TESC: variants seen among roughly 807,000 people sequenced by gnomAD.
TESC encodes tescalcin, also known as calcineurin B homologous protein 3.
Under a neutral mutation model 31.0 loss-of-function variants are expected in TESC, and 19 were observed. The ratio of observed to expected loss-of-function variants is 0.61; its 90% CI spans 0.43 to 0.90. TESC has a LOEUF of 0.90. Among genes scored for constraint, TESC ranks in the 40% least tolerant of loss-of-function variants. TESC has a pLI of 0.00. For synonymous variants in TESC, 109 were observed against 114.8 expected (o/e 0.95, Z 0.32); for missense variants, 248 against 303.8 (o/e 0.82, Z 1.36).
intron 3 of TESC, among the ~76,000 whole-genome samples, chr12:117,054,285 C>T (rs58547422): frequency 0.085 from 12,943 of 152,032 alleles, 1,215 homozygotes; most frequent in African/African-American, 0.23. Flanking sequence ...ACAGCACCCT[C>T]TGCAAAGTGC....
intron 6 of TESC, among the ~76,000 whole-genome samples, chr12:117,043,462 T>G (rs1954514196): frequency 1.3e-5 from 2 of 151,660 alleles, no homozygotes; most frequent in Admixed American, 1.3e-4. Flanking sequence ...TTCATTTGTT[T>G]TGTTTTGTTT....
rs201228990 is a variant in TESC at position 117,055,912 on chromosome 12, CTTTTTTTTT to C, written c.209+885_209+893del. ...TAAATGCTTTCTAGTTTTCCTTTTC[CTTTTTTTTT>C]TTTTTTTTTTCTTCTGAGATGGAGT... On this transcript the variant is annotated intron_variant, in intron 3 of 7. Transcript: ENST00000335209. Among the ~76,000 whole-genome samples the C allele has an allele frequency of 9.8e-4, 137 of 139,934 alleles. 3 individuals are homozygous for C. In the East Asian group the frequency reaches 0.025, roughly 25 times the overall value. The allele number at this position is 139,934 out of a possible 152,430, so 91.8% of individuals were successfully genotyped here.
At chr12:117,087,380 C>G (rs564532069) in intron 1 of TESC, among the ~76,000 whole-genome samples, 1 of 152,308 alleles carries the variant, frequency 6.6e-6, no homozygotes, top group Non-Finnish European at 1.5e-5. Context: ...CTGGTAAGAG[C>G]TGCCACAGGC....
At chr12:117,095,150 C>T (rs1310636846) in intron 1 of TESC, among the ~76,000 whole-genome samples, 2 of 152,042 alleles carry the variant, frequency 1.3e-5, no homozygotes, top group African/African-American at 2.4e-5. Context: ...TCTCAGCTCA[C>T]CGCAACCTCC....
At chr12:117,076,986 G>A (rs1304984861) in intron 1 of TESC, among the ~76,000 whole-genome samples, 2 of 152,152 alleles carry the variant, frequency 1.3e-5, no homozygotes, top group Admixed American at 1.3e-4. Context: ...GGACTGCGGA[G>A]CTGTGACCTC....
rs11068318 is a variant in TESC, at chr12:117,075,875, G to A, written c.59-535C>T. On this transcript the variant is annotated intron_variant, in intron 1 of 7. Coordinates refer to ENST00000335209, the MANE Select transcript of TESC (RefSeq NM_017899.4). ...TATATATATATATATATATATGTGT[G>A]TATATATATATATATATATATATAT... 5.6e-3 allele frequency among the ~76,000 whole-genome samples: 349 copies of A among 62,348 alleles called. 2 individuals are homozygous for A. The highest frequency in any genetic ancestry group is 0.011 in the Middle Eastern group (1 of 90). The allele number at this position is 62,348 out of a possible 152,430, so 40.9% of individuals were successfully genotyped here.
intron 5 of TESC, 51 bp from the exon 6 acceptor site, chr12:117,046,717 G>GT (rs1954568735): frequency 2.6e-6 from 4 of 1,552,736 alleles, no homozygotes; most frequent in Non-Finnish European, 3.5e-6. Context: ...CATCAGGGTC[G>GT]TGGGGGGCAG....
intron 3 of TESC, among the ~76,000 whole-genome samples, chr12:117,052,858 C>A (rs117827596): frequency 2.0e-5 from 3 of 152,110 alleles, no homozygotes; most frequent in Admixed American, 1.3e-4. Context: ...CACCTTCTCA[C>A]GCACTCCAAG....
At chr12:117,074,672 G>A (rs569248136) in intron 2 of TESC, among the ~76,000 whole-genome samples, 1 of 152,164 alleles carries the variant, frequency 6.6e-6, no homozygotes, top group African/African-American at 2.4e-5. Context: ...GATTTAACAG[G>A]ACCTCCATAT....
intron 1 of TESC, among the ~76,000 whole-genome samples, chr12:117,091,111 T>A (rs767377891): frequency 6.6e-6 from 1 of 152,256 alleles, no homozygotes; most frequent in Non-Finnish European, 1.5e-5. Context: ...TAGTGCTCCG[T>A]GGCCACCACC....
chr12:117,039,199 C>T lies in TESC; in HGVS notation c.579G>A (p.Gly193=). Residue 193 remains glycine (G), a synonymous_variant, in exon 8 of 8, where the codon GGG becomes GGA. Transcript: ENST00000335209. ...CGTGCATCTTGGTCTCAATGTCGAT[C>T]CCCTGCCAGATCTGGAAGGGACGGA... ...TFEDFLKIWQ[G]IDIETKMHVR... 1 of 1,613,748 alleles carries T rather than the reference C, an allele frequency of 6.2e-7. No individual in the cohort carries two copies. Among genetic ancestry groups the T allele is most frequent in the Non-Finnish European group, 8.5e-7 (1 of 1,179,860 alleles).
intron 4 of TESC, among the ~76,000 whole-genome samples, chr12:117,047,982 T>C (rs4766827): frequency 6.6e-6 from 1 of 152,076 alleles, no homozygotes; most frequent in Non-Finnish European, 1.5e-5. Flanking sequence ...GGCTTCAAGT[T>C]ATCCTCCCCA....
In TESC at chr12:117,078,910, T is replaced by C. The variant is rs1274139138; in HGVS notation, c.59-3570A>G. Among the ~76,000 whole-genome samples the C allele has an allele frequency of 2.6e-5, 4 of 152,334 alleles. No individual in the cohort carries two copies. The East Asian group carries it at 7.7e-4, about 29-fold the overall frequency. On this transcript the variant is annotated intron_variant, in intron 1 of 7. Transcript: ENST00000335209. ...ATCCCATCTGGATGGCTGAGGGATC[T>C]CATAAATACTGCTATTAATAAGTCA...
At chr12:117,090,135 T>G (rs759521562) in intron 1 of TESC, among the ~76,000 whole-genome samples, 6 of 152,064 alleles carry the variant, frequency 3.9e-5, no homozygotes, top group Non-Finnish European at 7.4e-5. Context: ...TTCCAAAGTT[T>G]ACAACTCACA....
At chr12:117,067,649 C>A (rs184620423) in intron 2 of TESC, among the ~76,000 whole-genome samples, 9 of 152,304 alleles carry the variant, frequency 5.9e-5, no homozygotes, top group Admixed American at 3.9e-4. Context: ...GGATTTAATT[C>A]TGGATGAAGA....
intron 2 of TESC, among the ~76,000 whole-genome samples, chr12:117,060,053 TG>T (rs1277343086): frequency 2.0e-5 from 3 of 152,132 alleles, no homozygotes; most frequent in Non-Finnish European, 4.4e-5. Flanking sequence ...TTCCAGGGGC[TG>T]GGGACGGGGT....
intron 1 of TESC, among the ~76,000 whole-genome samples, chr12:117,083,745 G>A (rs1336891426): frequency 1.3e-5 from 2 of 152,170 alleles, no homozygotes; most frequent in East Asian, 3.8e-4. Context: ...AGGGTGTTGA[G>A]GGAATGAGAA....
intron 3 of TESC, among the ~76,000 whole-genome samples, chr12:117,054,284 T>C (rs1954690159): frequency 6.6e-6 from 1 of 151,734 alleles, no homozygotes; most frequent in Non-Finnish European, 1.5e-5. Context: ...CACAGCACCC[T>C]CTGCAAAGTG....
At chr12:117,078,202 T>C (rs1487684426) in intron 1 of TESC, among the ~76,000 whole-genome samples, 1 of 152,172 alleles carries the variant, frequency 6.6e-6, no homozygotes, top group Non-Finnish European at 1.5e-5. Flanking sequence ...GCACGGTGGC[T>C]CACGCCTGGA....
Sources: gnomAD v4.1 joint callset for allele counts (sites outside exome capture counted in the v4.1 genomes callset) on GRCh38, gnomAD v4.1.1 for gene constraint, MANE v1.5 for transcripts, NCBI Gene and HGNC (gene_info 2026-07-23, HGNC 2026-07-21) for gene names.